The following PFKFB3 variants were observed in gnomAD, a reference collection of about 807,000 sequenced individuals.
PFKFB3 encodes 6-phosphofructo-2-kinase/fructose-2,6-biphosphatase 3.
PFKFB3 carries 33 observed loss-of-function variants against 68.0 expected under a neutral mutation model. That is an observed-to-expected ratio of 0.49 (90% confidence interval 0.37 to 0.65). The LOEUF is 0.65. Ranked by LOEUF, PFKFB3 falls within the 30% of genes least tolerant of loss-of-function variation. PFKFB3 has a pLI of 0.00. For synonymous variants in PFKFB3, 315 were observed against 288.2 expected (o/e 1.09, Z -0.94); for missense variants, 586 against 712.2 (o/e 0.82, Z 2.02).
the PFKFB3 span, among the ~76,000 whole-genome samples, chr10:6,320,706 T>C: frequency 6.6e-6 from 1 of 152,180 alleles, no homozygotes; most frequent in African/African-American, 2.4e-5. Context: ...ATTGCAGGCC[T>C]GAACCACCAC....
chr10:6,184,386 GC>G (rs1842813935), intron 1 of PFKFB3, among the ~76,000 whole-genome samples: 1 of 152,094 alleles, frequency 6.6e-6, no homozygotes, highest in African/African-American at 2.4e-5. Context: ...ACCCCCAAAA[GC>G]CCCATCCTGG....
the PFKFB3 span, among the ~76,000 whole-genome samples, chr10:6,322,422 G>T: frequency 6.6e-6 from 1 of 152,102 alleles, no homozygotes; most frequent in East Asian, 1.9e-4. Context: ...AGTCCTAAAT[G>T]GCTTCCCTGT....
chr10:6,272,213 T>C, the PFKFB3 span, among the ~76,000 whole-genome samples: 6 of 152,328 alleles, frequency 3.9e-5, no homozygotes, highest in East Asian at 1.2e-3. Flanking sequence ...ATGAAGGCAG[T>C]GCTGGGAGAT....
At chr10:6,160,874 G>A (rs186393863) in intron 1 of PFKFB3, among the ~76,000 whole-genome samples, 1 of 152,062 alleles carries the variant, frequency 6.6e-6, no homozygotes, top group African/African-American at 2.4e-5. Flanking sequence ...GAAATGACAG[G>A]TCACTTCTCC....
intron 13 of PFKFB3, among the ~76,000 whole-genome samples, chr10:6,225,438 C>G (rs1167230649): frequency 6.6e-6 from 1 of 152,208 alleles, no homozygotes; most frequent in Admixed American, 6.5e-5. Context: ...CTGCCTTTAG[C>G]CATATGACAA....
Position 6,235,114 on chromosome 10 carries a change from T to C in PFKFB3, c.*2172T>C, listed in dbSNP as rs1339564268. 1 of 152,756 alleles carries C rather than the reference T, an allele frequency of 6.5e-6. No individual in the cohort carries two copies. Among genetic ancestry groups the C allele is most frequent in the African/African-American group, 2.4e-5 (1 of 41,438 alleles). The allele number at this position is 152,756 out of a possible 1,614,324, so 9.5% of individuals were successfully genotyped here. On this transcript the variant is annotated 3_prime_UTR_variant, in exon 15 of 15. Transcript: ENST00000379775. ...CACCCCACAAAATAACGGGGACCAA[T>C]ATTTTTAACTTTGCCTATTTGTTTT... is the stretch of plus-strand genomic sequence containing the variant.
chr10:6,261,920 T>C, the PFKFB3 span, among the ~76,000 whole-genome samples: 3 of 151,610 alleles, frequency 2.0e-5, no homozygotes, highest in Admixed American at 2.0e-4. Context: ...TCACTTGAAC[T>C]TGGGACACGG....
the PFKFB3 span, among the ~76,000 whole-genome samples, chr10:6,301,475 T>G: frequency 6.6e-6 from 1 of 152,224 alleles, no homozygotes; most frequent in Non-Finnish European, 1.5e-5. Flanking sequence ...AATAAACTTG[T>G]TTTTAGTGCC....
rs944362430 is a variant in PFKFB3, at chr10:6,203,144, G to A, written c.-117G>A. The A allele has an allele frequency of 2.7e-6, 4 of 1,498,892 alleles. No homozygotes were observed. In the African/African-American group the frequency reaches 4.4e-5, roughly 16 times the overall value. The allele number at this position is 1,498,892 out of a possible 1,614,324, so 92.8% of individuals were successfully genotyped here. Reference sequence around the variant, plus strand: ...TCCCCTGGCAGCGCAGGAAACGCCCGGCCGCGCGCCGGCGCACGCCCCCCT... The same window carrying A: ...TCCCCTGGCAGCGCAGGAAACGCCCAGCCGCGCGCCGGCGCACGCCCCCCT... On this transcript the variant is annotated 5_prime_UTR_variant, in exon 1 of 15. Coordinates refer to ENST00000379775, the MANE Select transcript of PFKFB3 (RefSeq NM_004566.4).
At chr10:6,294,056 C>T in the PFKFB3 span, 69 of 510,802 alleles carry the variant, frequency 1.4e-4, no homozygotes, top group African/African-American at 2.5e-4. Flanking sequence ...TTGTATAGTT[C>T]GTACTGGAAG....
chr10:6,314,707 C>G, the PFKFB3 span, among the ~76,000 whole-genome samples: 1 of 152,148 alleles, frequency 6.6e-6, no homozygotes, highest in Non-Finnish European at 1.5e-5. Context: ...TGAACAGTTT[C>G]CTTAAGATAA....
chr10:6,309,264 A>G, the PFKFB3 span, among the ~76,000 whole-genome samples: 1 of 152,330 alleles, frequency 6.6e-6, no homozygotes, highest in South Asian at 2.1e-4. Flanking sequence ...GGGTGTAATA[A>G]GAGTATTATA....
chr10:6,307,803 A>G, the PFKFB3 span, among the ~76,000 whole-genome samples: 1 of 152,096 alleles, frequency 6.6e-6, no homozygotes, highest in African/African-American at 2.4e-5. Flanking sequence ...ATGTGTTGGA[A>G]ACTTAGTCCT....
intron 1 of PFKFB3, among the ~76,000 whole-genome samples, chr10:6,182,867 C>G (rs1417485503): frequency 6.6e-6 from 1 of 152,224 alleles, no homozygotes; most frequent in Non-Finnish European, 1.5e-5. Context: ...CCAGACAGAG[C>G]AGTGCCCTTC....
At chr10:6,265,937 G>T in the PFKFB3 span, among the ~76,000 whole-genome samples, 2 of 151,452 alleles carry the variant, frequency 1.3e-5, no homozygotes, top group Non-Finnish European at 2.9e-5. Flanking sequence ...TAGAGACTGG[G>T]TCTAGTTCTG....
chr10:6,189,175 G>C (rs1842962077), intron 1 of PFKFB3, among the ~76,000 whole-genome samples: 1 of 152,090 alleles, frequency 6.6e-6, no homozygotes, highest in African/African-American at 2.4e-5. Context: ...TCAATTGTCT[G>C]TAAATTCCAC....
chr10:6,203,109 A>G lies in PFKFB3; in HGVS notation c.-152A>G. On this transcript the variant is annotated 5_prime_UTR_variant, in exon 1 of 15. Coordinates refer to ENST00000379775, the MANE Select transcript of PFKFB3 (RefSeq NM_004566.4). ...CAGGCGAGGGTCCGGAACTTAGCCC[A>G]AAGCACGTTTCCCCTGGCAGCGCAG... is the stretch of plus-strand genomic sequence containing the variant. The G allele has an allele frequency of 6.8e-7, 1 of 1,471,906 alleles. No homozygotes were observed. The highest frequency in any genetic ancestry group is 9.0e-7 in the Non-Finnish European group (1 of 1,115,274). 91.2% of individuals were successfully genotyped at this position (1,471,906 alleles called of 1,614,324 possible).
the PFKFB3 span, among the ~76,000 whole-genome samples, chr10:6,263,192 T>C: frequency 1.3e-5 from 2 of 152,234 alleles, no homozygotes; most frequent in Non-Finnish European, 2.9e-5. Context: ...GTATCCCTTA[T>C]GGGAAATGAA....
intron 4 of PFKFB3, among the ~76,000 whole-genome samples, chr10:6,216,453 T>C (rs988377130): frequency 4.6e-5 from 7 of 151,644 alleles, no homozygotes; most frequent in Non-Finnish European, 8.8e-5. Context: ...ACTGTCCCAT[T>C]GCACATTACT....
Sources: gnomAD v4.1 joint callset for allele counts (sites outside exome capture counted in the v4.1 genomes callset) on GRCh38, gnomAD v4.1.1 for gene constraint, MANE v1.5 for transcripts, NCBI Gene and HGNC (gene_info 2026-07-23, HGNC 2026-07-21) for gene names.